SLC2A11: variants seen among roughly 807,000 people sequenced by gnomAD.
SLC2A11 encodes solute carrier family 2 member 11.
In SLC2A11, 43 loss-of-function variants were observed where a neutral mutation model predicts 52.1. That is an observed-to-expected ratio of 0.82 (90% CI 0.65 to 1.06). The LOEUF is 1.06. SLC2A11 is among the 50% of genes least tolerant of loss of function. The pLI is 0.00. For synonymous variants in SLC2A11, 261 were observed against 277.6 expected (o/e 0.94, Z 0.59); for missense variants, 582 against 654.2 (o/e 0.89, Z 1.20).
chr22:23,869,913 C>CA, intron 3 of SLC2A11: 2 of 688,994 alleles, frequency 2.9e-6, no homozygotes. Flanking sequence ...GGGCAAAAGG[C>CA]AAAAAGAGCC....
chr22:23,873,332 C>CTGTGTGTGT (rs1568990971), intron 3 of SLC2A11: 214 of 143,814 alleles, frequency 1.5e-3, no homozygotes, highest in African/African-American at 5.8e-3. Flanking sequence ...TGTGTGTGCA[C>CTGTGTGTGT]GCGTGTGTGT....
In SLC2A11 at chr22:23,884,794, G is replaced by A. The variant is rs143009100; in HGVS notation, c.1445G>A (p.Arg482Gln). ...TTACACAGACTCAACTTCCCCAGGC[G>A]GGCCCAGGGCCCCACGTGGAGGAGC... is the stretch of plus-strand genomic sequence containing the variant. The part of the protein sequence containing the change: ...KELHRLNFPR[R>Q]AQGPTWRSLE... The change falls in exon 12 of 12, where the codon CGG (arginine) becomes CAG (glutamine). Residue 482 changes from arginine (R) to glutamine (Q), a missense_variant. By Grantham distance (43) the Arg-to-Gln change is conservative. Transcript: ENST00000316185. The surrounding 1 kb of genome is among the most constrained non-coding windows in gnomAD (Gnocchi z 4.3). 1.5e-5 allele frequency: 24 copies of A among 1,614,036 alleles called. No individual in the cohort carries two copies. Among genetic ancestry groups the A allele is most frequent in the South Asian group, 2.2e-5 (2 of 91,094 alleles).
At chr22:23,883,901 G>A (rs568514257) in intron 9 of SLC2A11, 28 bp downstream of exon 9, 1 of 1,609,060 alleles carries the variant, frequency 6.2e-7, no homozygotes. Flanking sequence ...GGGCTGGGGG[G>A]TCCAGGCCGG....
chr22:23,857,376 C>A, upstream of SLC2A11: 2 of 1,541,444 alleles, frequency 1.3e-6, no homozygotes, highest in African/African-American at 1.4e-5. Flanking sequence ...AATGCAGGGG[C>A]TTGGCCGAGA....
At chr22:23,860,237 A>G (rs1338076271) in intron 1 of SLC2A11, among the ~76,000 whole-genome samples, 1 of 152,020 alleles carries the variant, frequency 6.6e-6, no homozygotes, top group Non-Finnish European at 1.5e-5. Flanking sequence ...CCTGGGCAAT[A>G]TGGTGAAATC....
intron 3 of SLC2A11, among the ~76,000 whole-genome samples, chr22:23,874,759 T>G (rs1353926622): frequency 6.6e-6 from 1 of 152,066 alleles, no homozygotes; most frequent in East Asian, 1.9e-4. Context: ...GCCTAATTTT[T>G]TTTGTATTTT....
chr22:23,864,310 T>C (rs557591843), intron 2 of SLC2A11, among the ~76,000 whole-genome samples: 1 of 152,162 alleles, frequency 6.6e-6, no homozygotes, highest in East Asian at 1.9e-4. Context: ...GCTGGCTGCG[T>C]TGGTTTATTT....
At chr22:23,864,529 A>T (rs927966389) in intron 2 of SLC2A11, among the ~76,000 whole-genome samples, 1 of 152,170 alleles carries the variant, frequency 6.6e-6, no homozygotes, top group African/African-American at 2.4e-5. Context: ...CATGTTAGCC[A>T]GGCTGGTCTC....
chr22:23,883,389 T>G (rs938413640), intron 8 of SLC2A11: 3 of 327,088 alleles, frequency 9.2e-6, no homozygotes, highest in Non-Finnish European at 1.7e-5. Context: ...GAGGATCACT[T>G]GAGCCTAGGA....
intron 8 of SLC2A11, 186 bp from the exon 9 acceptor site, chr22:23,883,586 C>T (rs1330380146): frequency 1.1e-5 from 6 of 524,258 alleles, no homozygotes; most frequent in East Asian, 3.4e-5. Context: ...TTTTGAGATG[C>T]GGAAACTGGC....
chr22:23,882,455 T>C lies in SLC2A11; in HGVS notation c.695-4T>C, dbSNP rs1489302628. The C allele has an allele frequency of 6.5e-7, 1 of 1,532,392 alleles. No homozygotes were observed. Among genetic ancestry groups the C allele is most frequent in the Non-Finnish European group, 8.8e-7 (1 of 1,141,244 alleles). The allele number at this position is 1,532,392 out of a possible 1,614,324, so 94.9% of individuals were successfully genotyped here. A position where few individuals can be genotyped will look rare whatever the true frequency, so the allele number is the denominator to read the frequency against. On this transcript the variant is annotated splice_region_variant and splice_polypyrimidine_tract_variant and intron_variant, in intron 6 of 11. Transcript: ENST00000316185. ...GGAGCTCAGTACCCTCCTCCCTGGC[T>C]CAGCACTACGGCGGCTCCGGGGCTC... is the stretch of plus-strand genomic sequence containing the variant.
chr22:23,883,654 A>G (rs1237669405), intron 8 of SLC2A11, 118 bp from the exon 9 acceptor site: 10 of 771,350 alleles, frequency 1.3e-5, no homozygotes, highest in Non-Finnish European at 2.0e-5. Flanking sequence ...GTCACACTGA[A>G]GCAATAAACT....
intron 2 of SLC2A11, chr22:23,868,165 G>T: frequency 2.5e-6 from 1 of 404,302 alleles, no homozygotes. Flanking sequence ...CTTGATGTGG[G>T]AAAATATCCA....
chr22:23,867,917 C>T, intron 2 of SLC2A11: 1 of 340,334 alleles, frequency 2.9e-6, no homozygotes. Context: ...AAGGGCCTTC[C>T]TGAGTTTCGT....
chr22:23,863,607 GGTTTTTT>G (rs1350120465), intron 2 of SLC2A11, among the ~76,000 whole-genome samples: 4 of 113,166 alleles, frequency 3.5e-5, no homozygotes, highest in Admixed American at 9.1e-5. Flanking sequence ...CTCTCTCTCT[GGTTTTTT>G]TTTTTTTTTT....
chr22:23,880,064 T>C (rs2146138699), intron 6 of SLC2A11, among the ~76,000 whole-genome samples: 1 of 151,808 alleles, frequency 6.6e-6, no homozygotes, highest in South Asian at 2.1e-4. Context: ...ATACAAAAAT[T>C]AGCTGGGTAT....
chr22:23,874,328 C>T (rs991858763), intron 3 of SLC2A11, among the ~76,000 whole-genome samples: 2 of 152,098 alleles, frequency 1.3e-5, no homozygotes, highest in Non-Finnish European at 2.9e-5. Context: ...ACTCTGTCAC[C>T]GAGGCTGGAG....
Position 23,884,045 on chromosome 22 carries a change from C to G in SLC2A11, c.1171+21C>G. On this transcript the variant is annotated intron_variant, in intron 10 of 11. Coordinates refer to ENST00000316185, the MANE Select transcript of SLC2A11 (RefSeq NM_001024939.4). The surrounding 1 kb of genome is among the most constrained non-coding windows in gnomAD (Gnocchi z 4.3). ...CCCTGGTGAGTGGGCCCAAGGGGCT[C>G]TGGGCATCCATCATCACATAGAAGG... is the stretch of plus-strand genomic sequence containing the variant. The G allele has an allele frequency of 6.2e-7, 1 of 1,606,964 alleles. No homozygotes were observed. Among genetic ancestry groups the G allele is most frequent in the Non-Finnish European group, 8.5e-7 (1 of 1,178,008 alleles).
In SLC2A11 at chr22:23,857,880, T is replaced by G; in HGVS notation, c.-120T>G. 6.5e-7 allele frequency: 1 copy of G among 1,549,930 alleles called. No homozygotes were observed. The highest frequency in any genetic ancestry group is 8.7e-7 in the Non-Finnish European group (1 of 1,149,392). On this transcript the variant is annotated 5_prime_UTR_variant, in exon 1 of 12. Transcript: ENST00000316185. ...CACTGCGCGTGCGCTAGCGCCTCTT[T>G]CACCACTGGGCGCTGCGCGCTGCCC...
Sources: gnomAD v4.1 joint callset for allele counts (sites outside exome capture counted in the v4.1 genomes callset) on GRCh38, gnomAD v4.1.1 for gene constraint, Gnocchi (gnomAD v3.1) non-coding constraint, MANE v1.5 for transcripts, NCBI Gene and HGNC (gene_info 2026-07-23, HGNC 2026-07-21) for gene names.